Variants in MACROD1 observed in about 807,000 individuals in gnomAD.
The protein encoded by MACROD1 is mono-ADP ribosylhydrolase 1.
In MACROD1, 31 loss-of-function variants were observed where a neutral mutation model predicts 41.4. The ratio of observed to expected loss-of-function variants is 0.75; its 90% CI spans 0.56 to 1.01. The LOEUF (loss-of-function observed/expected upper bound fraction) is 1.01, where lower values mean the gene tolerates loss of function less well. Among genes scored for constraint, MACROD1 ranks in the 50% least tolerant of loss-of-function variants. The pLI is 0.00. For missense variants in MACROD1, 473 were observed against 460.0 expected, an observed-to-expected ratio of 1.03 and a Z score of -0.26; for synonymous variants, 252 against 203.4, an observed-to-expected ratio of 1.24 and a Z score of -2.03.
intron 3 of MACROD1, among the ~76,000 whole-genome samples, chr11:64,108,546 G>A (rs1473465619): frequency 6.6e-6 from 1 of 152,142 alleles, no homozygotes; most frequent in African/African-American, 2.4e-5. Flanking sequence ...AGGAAGGTGG[G>A]GTCTTTCATT....
In MACROD1 at chr11:64,090,227, C is replaced by A. The variant is rs558573960; in HGVS notation, c.517+61012G>T. Among the ~76,000 whole-genome samples the A allele has an allele frequency of 6.6e-6, 1 of 152,184 alleles. No individual in the cohort carries two copies. Among genetic ancestry groups the A allele is most frequent in the Non-Finnish European group, 1.5e-5 (1 of 68,036 alleles). ...ACAGGGTGACAGGGTGTGGGAAAGG[C>A]CAACGGGCGTGTGGGTCTCCAGCCT... On this transcript the variant is annotated intron_variant, in intron 3 of 10. Coordinates refer to ENST00000255681, the MANE Select transcript of MACROD1 (RefSeq NM_014067.4). This position sits in a 1 kb window ranked among gnomAD's most constrained non-coding sequence, Gnocchi z 4.7.
At chr11:64,116,592 C>T (rs1482062015) in intron 3 of MACROD1, 1 of 1,614,134 alleles carries the variant, frequency 6.2e-7, no homozygotes, top group South Asian at 1.1e-5. Context: ...GGTCAACGTG[C>T]AGGTCATCTA....
rs1262078631 is a variant in MACROD1, at chr11:64,152,334, C to T, written c.358G>A (p.Val120Ile). 1 of 1,614,268 alleles carries T rather than the reference C, an allele frequency of 6.2e-7. No homozygotes were observed. Residue 120 changes from valine (V) to isoleucine (I), a missense_variant, in exon 2 of 11, where the codon GTC becomes ATC. Coordinates refer to ENST00000255681, the MANE Select transcript of MACROD1 (RefSeq NM_014067.4). ...REEHYFCKDF[V>I]RLKKIPTWKE... ...CATGTCGGGATCTTCTTCAGCCTGA[C>T]AAAGTCCTTGCAGAAGTAATGTTCC...
chr11:63,998,730 A>G, intron 10 of MACROD1, 43 bp from the exon 11 acceptor site: 1 of 1,412,170 alleles, frequency 7.1e-7, no homozygotes, highest in Middle Eastern at 2.6e-4. Flanking sequence ...GGCGTCCCCG[A>G]CCTCCCAGGC....
At chr11:64,083,298 T>C (rs958786516) in intron 3 of MACROD1, among the ~76,000 whole-genome samples, 5 of 152,116 alleles carry the variant, frequency 3.3e-5, no homozygotes, top group Non-Finnish European at 5.9e-5. Context: ...CAGCTGGGCA[T>C]GGTGGTGGGC....
At chr11:64,152,823 T>TC (rs929428493) in intron 1 of MACROD1, among the ~76,000 whole-genome samples, 2 of 152,058 alleles carry the variant, frequency 1.3e-5, no homozygotes, top group African/African-American at 2.4e-5. Flanking sequence ...TATCCATCAG[T>TC]CCCACCGCCA....
chr11:64,094,010 G>A (rs958921258), intron 3 of MACROD1, among the ~76,000 whole-genome samples: 1 of 152,226 alleles, frequency 6.6e-6, no homozygotes, highest in African/African-American at 2.4e-5. Context: ...AGCTAAGCAG[G>A]CCAGGGCCGG....
In MACROD1 at chr11:64,111,763, G is replaced by A. The variant is rs140248369; in HGVS notation, c.517+39476C>T. Among the ~76,000 whole-genome samples the A allele has an allele frequency of 1.9e-3, 291 of 152,336 alleles. 1 individual carries two copies. Among genetic ancestry groups the A allele is most frequent in the African/African-American group, 6.6e-3 (274 of 41,568 alleles). On this transcript the variant is annotated intron_variant, in intron 3 of 10. Transcript: ENST00000255681. ...TGCATGCTGTCCTGGCTTCAAGCCC[G>A]TCCTTTCCCATGATCTGGGCCAGTG... is the stretch of plus-strand genomic sequence containing the variant.
chr11:64,021,637 G>A (rs1028496747), intron 3 of MACROD1, among the ~76,000 whole-genome samples: 2 of 152,060 alleles, frequency 1.3e-5, no homozygotes, highest in African/African-American at 4.8e-5. Flanking sequence ...TGCCTGGAGG[G>A]GCCCCAGCCA....
Position 64,146,106 on chromosome 11 carries a change from T to C in MACROD1, c.517+5133A>G, listed in dbSNP as rs1306831053. Among the ~76,000 whole-genome samples, 3 of 152,210 alleles carry C rather than the reference T, an allele frequency of 2.0e-5. No homozygotes were observed. ...TCTTTCTTTGTGCCCGGACATGTCC[T>C]GCCCAGGACTCTGCTATCTGTCAGG... On this transcript the variant is annotated intron_variant, in intron 3 of 10. Transcript: ENST00000255681. This position sits in a 1 kb window ranked among gnomAD's most constrained non-coding sequence, Gnocchi z 4.7.
At chr11:64,116,775 G>A (rs1055907210) in intron 3 of MACROD1, 15 of 1,613,632 alleles carry the variant, frequency 9.3e-6, no homozygotes, top group Non-Finnish European at 1.2e-5. Flanking sequence ...CAGCATTGAG[G>A]AGGACGCCTT....
rs999674386 is a variant in MACROD1 at position 63,999,549 on chromosome 11, G to T, written c.798C>A (p.Cys266Ter). 21 of 1,609,778 alleles carry T rather than the reference G, an allele frequency of 1.3e-5. No individual in the cohort carries two copies. The highest frequency in any genetic ancestry group is 1.8e-5 in the Non-Finnish European group (21 of 1,178,688). ...ACTCACCAAACACGCCGGTGGAGAT[G>T]CAGGGGAACGCCTGGGCGGGGAGGG... ...EHRLRSVAFP[C>*]ISTGVFGYPC... Residue 266 changes from cysteine (C) to a stop codon, truncating the protein, a stop_gained, in exon 7 of 11, where the codon TGC (cysteine) becomes TGA (stop). Coordinates refer to ENST00000255681, the MANE Select transcript of MACROD1 (RefSeq NM_014067.4). LOFTEE classifies it high-confidence loss of function.
At chr11:64,083,390 T>A (rs1272473420) in intron 3 of MACROD1, among the ~76,000 whole-genome samples, 1 of 152,120 alleles carries the variant, frequency 6.6e-6, no homozygotes, top group Admixed American at 6.6e-5. Flanking sequence ...GAGCTGAGAT[T>A]GCACCACTGC....
intron 3 of MACROD1, among the ~76,000 whole-genome samples, chr11:64,021,803 G>A (rs1010820356): frequency 6.6e-6 from 1 of 152,038 alleles, no homozygotes; most frequent in Admixed American, 6.6e-5. Flanking sequence ...ACACGGATGG[G>A]GCAGCCCTGC....
chr11:64,081,682 A>C (rs2134493357), intron 3 of MACROD1: 1 of 152,196 alleles, frequency 6.6e-6, no homozygotes, highest in Middle Eastern at 3.4e-3. Context: ...TTTCTGCTTG[A>C]ACCATGCAGG....
In MACROD1 at chr11:64,151,277, T is replaced by C; in HGVS notation, c.479A>G (p.Asp160Gly). The C allele has an allele frequency of 6.2e-7, 1 of 1,613,972 alleles. No individual in the cohort carries two copies. The highest frequency in any genetic ancestry group is 8.5e-7 in the Non-Finnish European group (1 of 1,180,040). ...LNEKISLLRS[D>G]ITKLEVDAIV... ...GGCGTCCACCTCCAGCTTGGTGATG[T>C]CGCTGCGGAGCAGGGAGATTTTCTC... Residue 160 changes from aspartate to glycine, a missense_variant, in exon 3 of 11, where the codon GAC becomes GGC. By Grantham distance (94) the Asp-to-Gly change is moderately conservative. Transcript: ENST00000255681.
chr11:64,102,845 G>A (rs1191692823), intron 3 of MACROD1, among the ~76,000 whole-genome samples: 1 of 152,064 alleles, frequency 6.6e-6, no homozygotes, highest in African/African-American at 2.4e-5. Flanking sequence ...CGAGGTGGGC[G>A]GATCATGAAG....
intron 3 of MACROD1, among the ~76,000 whole-genome samples, chr11:64,144,650 G>A (rs932671277): frequency 1.3e-5 from 2 of 152,146 alleles, no homozygotes; most frequent in Admixed American, 1.3e-4. Context: ...TGGCTTCCCC[G>A]AGGAGGAGGG....
chr11:64,017,756 G>C (rs956613562), intron 3 of MACROD1, among the ~76,000 whole-genome samples: 1 of 152,112 alleles, frequency 6.6e-6, no homozygotes, highest in African/African-American at 2.4e-5. Flanking sequence ...GCAGCGGTCG[G>C]CAGCTGCCCT....
Sources: gnomAD v4.1 joint callset for allele counts (sites outside exome capture counted in the v4.1 genomes callset) on GRCh38, gnomAD v4.1.1 for gene constraint, Gnocchi (gnomAD v3.1) non-coding constraint, MANE v1.5 for transcripts, NCBI Gene and HGNC (gene_info 2026-07-23, HGNC 2026-07-21) for gene names.